The following PCCA variants were observed in gnomAD, a reference collection of about 807,000 sequenced individuals.
The protein encoded by PCCA is propionyl-CoA carboxylase subunit alpha.
PCCA carries 74 observed loss-of-function variants against 101.3 expected under a neutral mutation model. The observed-to-expected ratio is 0.73, with a 90% CI of 0.61 to 0.89. PCCA has a LOEUF of 0.89. Among genes scored for constraint, PCCA ranks in the 40% least tolerant of loss-of-function variants. PCCA has a pLI of 0.00. For missense variants in PCCA, 891 were observed against 907.0 expected, an observed-to-expected ratio of 0.98 and a Z score of 0.23; for synonymous variants, 294 against 313.6, an observed-to-expected ratio of 0.94 and a Z score of 0.66.
chr13:100,140,319 T>G (rs1190627038), intron 4 of PCCA, among the ~76,000 whole-genome samples: 1 of 152,204 alleles, frequency 6.6e-6, no homozygotes, highest in African/African-American at 2.4e-5. Flanking sequence ...AGAAGAATGT[T>G]TCTTCTCTCA....
At chr13:100,117,591 G>A (rs2048919267) in intron 4 of PCCA, among the ~76,000 whole-genome samples, 1 of 152,078 alleles carries the variant, frequency 6.6e-6, no homozygotes, top group African/African-American at 2.4e-5. Context: ...CTTGGACACA[G>A]GGTAGGGAAC....
chr13:100,458,372 ACACACACACACACACG>A (rs932559252), intron 21 of PCCA, among the ~76,000 whole-genome samples: 1 of 147,012 alleles, frequency 6.8e-6, no homozygotes, highest in African/African-American at 2.5e-5. Flanking sequence ...ACACACACAC[ACACACACACACACACG>A]CACATATACA....
At chr13:100,195,405 G>A (rs2058046257) in intron 6 of PCCA, among the ~76,000 whole-genome samples, 1 of 152,084 alleles carries the variant, frequency 6.6e-6, no homozygotes, top group Admixed American at 6.6e-5. Flanking sequence ...TTTCACCTAA[G>A]GAAATTTAGT....
intron 21 of PCCA, 56 bp from the exon 22 acceptor site, chr13:100,515,371 T>G (rs773803624): frequency 3.6e-5 from 55 of 1,543,610 alleles, no homozygotes; most frequent in Non-Finnish European, 4.8e-5. Flanking sequence ...GAATGCTACT[T>G]TTGAGGAAAA....
intron 7 of PCCA, among the ~76,000 whole-genome samples, chr13:100,217,791 G>T (rs1015209782): frequency 5.0e-5 from 7 of 138,746 alleles, no homozygotes; most frequent in South Asian, 2.3e-4. Context: ...GGGGGCGGAG[G>T]TTTTTTGTGT....
At chr13:100,160,044 A>AT (rs949721695) in intron 6 of PCCA, among the ~76,000 whole-genome samples, 6 of 151,776 alleles carry the variant, frequency 4.0e-5, no homozygotes, top group African/African-American at 9.7e-5. Context: ...TGATTTTTTG[A>AT]TTTTTTTTGC....
intron 2 of PCCA, among the ~76,000 whole-genome samples, chr13:100,103,888 G>A (rs1381483592): frequency 1.3e-5 from 2 of 151,386 alleles, no homozygotes; most frequent in Non-Finnish European, 2.9e-5. Flanking sequence ...CGCCTGCCTC[G>A]AGCTCCCAAA....
chr13:100,327,067 A>C (rs1283351586), intron 16 of PCCA, among the ~76,000 whole-genome samples: 1 of 152,150 alleles, frequency 6.6e-6, no homozygotes, highest in African/African-American at 2.4e-5. Flanking sequence ...AAAATGACTT[A>C]TTGAGGTATA....
At chr13:100,325,824 C>T (rs9585401) in intron 16 of PCCA, among the ~76,000 whole-genome samples, 110,928 of 151,952 alleles carry the variant, frequency 0.73, 40,944 homozygotes, top group Middle Eastern at 0.8. Flanking sequence ...AAGTACTTTG[C>T]CAGTAAGGGG....
intron 21 of PCCA, among the ~76,000 whole-genome samples, chr13:100,484,434 G>T (rs1596120948): frequency 6.6e-6 from 1 of 152,154 alleles, no homozygotes; most frequent in African/African-American, 2.4e-5. Context: ...ACTAAGCAGG[G>T]AGTAGAGAAA....
chr13:100,505,872 C>G (rs560046184), intron 21 of PCCA, among the ~76,000 whole-genome samples: 1 of 151,476 alleles, frequency 6.6e-6, no homozygotes, highest in Non-Finnish European at 1.5e-5. Context: ...CCATCCCCCC[C>G]AAAAAAATCC....
At chr13:100,253,849 G>C (rs1179695296) in intron 8 of PCCA, among the ~76,000 whole-genome samples, 2 of 126,904 alleles carry the variant, frequency 1.6e-5, no homozygotes, top group Non-Finnish European at 3.7e-5. Flanking sequence ...GGGCACTAGA[G>C]CCTGATTTTT....
chr13:100,194,023 A>G (rs1177776538), intron 6 of PCCA, among the ~76,000 whole-genome samples: 1 of 151,794 alleles, frequency 6.6e-6, no homozygotes, highest in African/African-American at 2.4e-5. Flanking sequence ...GTGAGCCGAG[A>G]TTGTGCCACT....
intron 1 of PCCA, among the ~76,000 whole-genome samples, chr13:100,099,071 A>AT (rs1404165513): frequency 2.0e-5 from 3 of 152,176 alleles, no homozygotes; most frequent in Non-Finnish European, 4.4e-5. Context: ...TTATAGCTCC[A>AT]TTAACCCAGT....
chr13:100,519,285 A>T (rs2181482), intron 22 of PCCA, among the ~76,000 whole-genome samples: 59,281 of 152,136 alleles, frequency 0.39, 12,248 homozygotes, highest in East Asian at 0.77. Flanking sequence ...GAAAGAATAG[A>T]TTGAAATTAA....
chr13:100,110,094 C>T (rs376757960), intron 2 of PCCA, among the ~76,000 whole-genome samples: 21 of 152,264 alleles, frequency 1.4e-4, no homozygotes, highest in African/African-American at 4.8e-4. Context: ...GATCGTACCA[C>T]TGCACTCCAG....
chr13:100,426,746 A>C (rs1350102888), intron 20 of PCCA, among the ~76,000 whole-genome samples: 1 of 151,876 alleles, frequency 6.6e-6, no homozygotes, highest in African/African-American at 2.4e-5. Flanking sequence ...ATTTTTTCTC[A>C]TTTTTTTAAT....
At position 100,440,193 on chromosome 13, in the gene PCCA, T is replaced by C. The variant is rs1366297235; in HGVS notation, c.1846-9059T>C. ...ATATATATATATATATATATATATA[T>C]ATATATATATATATATAAAACGTGA... is the stretch of plus-strand genomic sequence containing the variant. On this transcript the variant is annotated intron_variant, in intron 20 of 23. Coordinates refer to ENST00000376285, the MANE Select transcript of PCCA (RefSeq NM_000282.4). Among the ~76,000 whole-genome samples the C allele has an allele frequency of 8.6e-5, 6 of 69,420 alleles. 1 individual carries two copies. The East Asian group carries it at 2.0e-3, about 23-fold the overall frequency. The allele number at this position is 69,420 out of a possible 152,430, so 45.5% of individuals were successfully genotyped here.
intron 4 of PCCA, among the ~76,000 whole-genome samples, chr13:100,114,653 A>G (rs1196783414): frequency 2.0e-5 from 3 of 152,222 alleles, no homozygotes; most frequent in African/African-American, 7.2e-5. Flanking sequence ...AAGAAGACAT[A>G]CAAATCACAA....
Sources: gnomAD v4.1 joint callset for allele counts (sites outside exome capture counted in the v4.1 genomes callset) on GRCh38, gnomAD v4.1.1 for gene constraint, MANE v1.5 for transcripts, NCBI Gene and HGNC (gene_info 2026-07-23, HGNC 2026-07-21) for gene names.